The following SLIT2 variants were observed in gnomAD, a reference collection of about 807,000 sequenced individuals.
SLIT2 encodes the protein slit guidance ligand 2, also known as slit homolog 2 protein.
In SLIT2, 41 loss-of-function variants were observed where a neutral mutation model predicts 185.7. The observed-to-expected ratio is 0.22, with a 90% CI of 0.17 to 0.29. SLIT2 has a LOEUF of 0.29. SLIT2 is among the 10% of genes least tolerant of loss of function. SLIT2 has a pLI of 1.00. For missense variants in SLIT2, 1,571 were observed against 1,909.0 expected (o/e 0.82, Z 3.30); for synonymous variants, 693 against 680.2 (o/e 1.02, Z -0.29).
chr4:20,567,201 C>G, intron 26 of SLIT2, 61 bp from the exon 27 acceptor site: 1 of 1,418,148 alleles, frequency 7.1e-7, no homozygotes, highest in African/African-American at 1.4e-5. Flanking sequence ...TTAAGGCATA[C>G]AAGTAATTAA....
intron 5 of SLIT2, among the ~76,000 whole-genome samples, chr4:20,470,212 TA>T (rs542123818): frequency 2.6e-5 from 4 of 152,218 alleles, no homozygotes; most frequent in East Asian, 3.9e-4. Context: ...AAGTTAACCC[TA>T]AAAAATGCAT....
intron 4 of SLIT2, among the ~76,000 whole-genome samples, chr4:20,341,236 G>A (rs1320656824): frequency 6.6e-6 from 1 of 152,214 alleles, no homozygotes; most frequent in Non-Finnish European, 1.5e-5. Flanking sequence ...GAGAGCTGAA[G>A]GAATTGTGTT....
chr4:20,503,889 A>G (rs1351846361), intron 9 of SLIT2, among the ~76,000 whole-genome samples: 1 of 152,168 alleles, frequency 6.6e-6, no homozygotes, highest in Non-Finnish European at 1.5e-5. Flanking sequence ...TATTGACACA[A>G]TCCTAAGGCA....
chr4:20,316,732 A>C lies in SLIT2; in HGVS notation c.395+47851A>C, dbSNP rs188181441. Among the ~76,000 whole-genome samples the C allele has an allele frequency of 3.3e-5, 5 of 151,466 alleles. No individual in the cohort carries two copies. The East Asian group carries it at 7.7e-4, about 23-fold the overall frequency. ...CAGAAAAGCTACTATGAATTATTTT[A>C]CCTATACATTAGTTGTTGGTATATT... On this transcript the variant is annotated intron_variant, in intron 4 of 36. Transcript: ENST00000504154.
chr4:20,454,094 C>T (rs1326668046), intron 4 of SLIT2, among the ~76,000 whole-genome samples: 1 of 152,128 alleles, frequency 6.6e-6, no homozygotes, highest in Non-Finnish European at 1.5e-5. Context: ...AATAGCTTCC[C>T]TGTAGGGAAT....
At chr4:20,612,173 G>T (rs1729271917) in intron 34 of SLIT2, among the ~76,000 whole-genome samples, 1 of 150,512 alleles carries the variant, frequency 6.6e-6, no homozygotes, top group Non-Finnish European at 1.5e-5. Flanking sequence ...AGCCCAGGAG[G>T]TTGAGGCTGC....
chr4:20,463,004 G>C (rs1265201074), intron 4 of SLIT2, among the ~76,000 whole-genome samples: 1 of 152,236 alleles, frequency 6.6e-6, no homozygotes, highest in South Asian at 2.1e-4. Context: ...CATTTTAAAA[G>C]TATGAACTCA....
intron 4 of SLIT2, among the ~76,000 whole-genome samples, chr4:20,339,541 A>G (rs570504769): frequency 5.3e-5 from 8 of 152,308 alleles, no homozygotes; most frequent in Admixed American, 2.6e-4. Flanking sequence ...TTTCTATGTG[A>G]TTTTCATGTG....
At chr4:20,427,844 A>G (rs1432443841) in intron 4 of SLIT2, among the ~76,000 whole-genome samples, 2 of 152,056 alleles carry the variant, frequency 1.3e-5, no homozygotes, top group Admixed American at 1.3e-4. Context: ...ATGTGTCTTA[A>G]TCAGTTGTTC....
At chr4:20,588,894 C>G (rs923766696) in intron 29 of SLIT2, among the ~76,000 whole-genome samples, 1 of 152,130 alleles carries the variant, frequency 6.6e-6, no homozygotes, top group Non-Finnish European at 1.5e-5. Flanking sequence ...TGTTCCCTGT[C>G]TCTGTATTGA....
chr4:20,370,542 C>T (rs1199912563), intron 4 of SLIT2, among the ~76,000 whole-genome samples: 1 of 152,072 alleles, frequency 6.6e-6, no homozygotes, highest in Non-Finnish European at 1.5e-5. Context: ...TAAGCCTTAG[C>T]CTGTGAGACA....
At chr4:20,482,660 T>C (rs550778860) in intron 6 of SLIT2, among the ~76,000 whole-genome samples, 230 of 152,110 alleles carry the variant, frequency 1.5e-3, no homozygotes, top group African/African-American at 5.2e-3. Flanking sequence ...TCTTGGAAAC[T>C]CTTTTGAGGA....
intron 4 of SLIT2, among the ~76,000 whole-genome samples, chr4:20,407,925 C>G (rs887015031): frequency 2.0e-5 from 3 of 152,046 alleles, no homozygotes; most frequent in African/African-American, 4.8e-5. Context: ...AAAAATAAAA[C>G]AAAACACTTT....
chr4:20,617,334 T>C, intron 35 of SLIT2, 105 bp from the exon 36 acceptor site: 2 of 1,363,542 alleles, frequency 1.5e-6, no homozygotes, highest in East Asian at 4.7e-5. Flanking sequence ...ATTAGCACTC[T>C]GTCCCTCATA....
At chr4:20,260,421 TG>T (rs1410284115) in intron 3 of SLIT2, among the ~76,000 whole-genome samples, 18 of 152,002 alleles carry the variant, frequency 1.2e-4, no homozygotes, top group African/African-American at 4.3e-4. Context: ...ATTTATATAC[TG>T]AATAGTGATT....
chr4:20,598,587 A>G (rs1728162083), intron 33 of SLIT2, among the ~76,000 whole-genome samples, 192 bp downstream of exon 33: 1 of 152,112 alleles, frequency 6.6e-6, no homozygotes, highest in South Asian at 2.1e-4. Context: ...AGGGATTTGT[A>G]AGGGGACTGC....
chr4:20,538,724 A>G (rs1722525266), intron 18 of SLIT2, among the ~76,000 whole-genome samples: 2 of 151,914 alleles, frequency 1.3e-5, no homozygotes, highest in South Asian at 4.1e-4. Context: ...AATTGAGCCA[A>G]AACTTTAGCA....
intron 4 of SLIT2, among the ~76,000 whole-genome samples, chr4:20,419,077 G>T (rs965191524): frequency 7.9e-5 from 12 of 152,048 alleles, no homozygotes; most frequent in Admixed American, 2.0e-4. Flanking sequence ...TCACAATGTT[G>T]CTCCACCTTG....
At chr4:20,457,830 GGCCAGT>G (rs752464165) in intron 4 of SLIT2, among the ~76,000 whole-genome samples, 5 of 152,118 alleles carry the variant, frequency 3.3e-5, no homozygotes, top group Non-Finnish European at 5.9e-5. Flanking sequence ...AAGTAAGATG[GGCCAGT>G]GCCTTTTTGT....
Sources: allele counts gnomAD v4.1 joint callset (sites outside exome capture counted in the v4.1 genomes callset), GRCh38; gene constraint gnomAD v4.1.1; transcripts MANE v1.5; gene names NCBI Gene and HGNC (gene_info 2026-07-23, HGNC 2026-07-21).